The following NXPH1 variants were observed in gnomAD, a reference collection of about 807,000 sequenced individuals.
NXPH1 encodes neurexophilin-1.
A neutral mutation model predicts 23.7 loss-of-function variants in NXPH1; 5 were observed. The observed-to-expected ratio is 0.21, with a 90% CI of 0.11 to 0.44. The LOEUF is 0.44. NXPH1 is among the 20% of genes least tolerant of loss of function. NXPH1 has a pLI of 0.99. For synonymous variants in NXPH1, 144 were observed against 122.2 expected, an observed-to-expected ratio of 1.18 and a Z score of -1.18; for missense variants, 324 against 321.6, an observed-to-expected ratio of 1.01 and a Z score of -0.06.
intron 2 of NXPH1, among the ~76,000 whole-genome samples, chr7:8,739,069 G>T: frequency 6.6e-6 from 1 of 151,556 alleles, no homozygotes; most frequent in East Asian, 1.9e-4. Context: ...GGCTCCTTGG[G>T]GGTGGGATCC....
At chr7:8,507,876 G>A (rs1186621711) in intron 2 of NXPH1, among the ~76,000 whole-genome samples, 2 of 152,222 alleles carry the variant, frequency 1.3e-5, no homozygotes, top group East Asian at 3.9e-4. Context: ...TTTAAAGGCT[G>A]AATGAGAAAG....
At chr7:8,484,822 C>T (rs1584187082) in intron 2 of NXPH1, among the ~76,000 whole-genome samples, 1 of 152,232 alleles carries the variant, frequency 6.6e-6, no homozygotes, top group Admixed American at 6.5e-5. Flanking sequence ...CAAATTCCAG[C>T]AATGACATTT....
intron 2 of NXPH1, among the ~76,000 whole-genome samples, chr7:8,733,866 A>T (rs950673486): frequency 6.6e-6 from 1 of 152,158 alleles, no homozygotes; most frequent in Non-Finnish European, 1.5e-5. Context: ...TGCTGTGCAG[A>T]AACTCTTTAG....
intron 2 of NXPH1, among the ~76,000 whole-genome samples, chr7:8,594,483 G>T (rs1819171605): frequency 6.6e-6 from 1 of 152,028 alleles, no homozygotes; most frequent in Non-Finnish European, 1.5e-5. Flanking sequence ...TACATCAGCA[G>T]CATAGATGCA....
intron 2 of NXPH1, among the ~76,000 whole-genome samples, chr7:8,481,149 T>C (rs1817066393): frequency 6.6e-6 from 1 of 152,184 alleles, no homozygotes; most frequent in African/African-American, 2.4e-5. Flanking sequence ...TCAGTCAATA[T>C]CTTAAAATAT....
At chr7:8,673,215 A>T (rs1037958931) in intron 2 of NXPH1, among the ~76,000 whole-genome samples, 4 of 152,196 alleles carry the variant, frequency 2.6e-5, no homozygotes, top group Non-Finnish European at 5.9e-5. Flanking sequence ...CTTTAGAAAA[A>T]AAGTATAAAT....
Position 8,751,631 on chromosome 7 carries a change from T to G in NXPH1, c.678T>G (p.His226Gln), listed in dbSNP as rs1175500480. 2 of 1,613,570 alleles carry G rather than the reference T, an allele frequency of 1.2e-6. No individual in the cohort carries two copies. The highest frequency in any genetic ancestry group is 1.7e-6 in the Non-Finnish European group (2 of 1,179,742). ...GTTACCAGGAGCAAACCCAAAGTCA[T>G]GTATCCTGGCTCTGCTCCAAGCCCT... ...KTCYQEQTQS[H>Q]VSWLCSKPFK... The change falls in exon 3 of 3, where the codon CAT (histidine) becomes CAG (glutamine). Residue 226 changes from histidine (H) to glutamine (Q), a missense_variant. Physicochemically the swap from His to Gln is conservative, Grantham distance 24. Coordinates refer to ENST00000405863, the MANE Select transcript of NXPH1 (RefSeq NM_152745.3). This position sits in a 1 kb window ranked among gnomAD's most constrained non-coding sequence, Gnocchi z 4.5.
chr7:8,724,288 T>C (rs920802079), intron 2 of NXPH1, among the ~76,000 whole-genome samples: 12 of 152,212 alleles, frequency 7.9e-5, no homozygotes, highest in Admixed American at 3.9e-4. Flanking sequence ...TCATATGTCC[T>C]AGCTGTGCCC....
chr7:8,485,877 G>A (rs1432055407), intron 2 of NXPH1, among the ~76,000 whole-genome samples: 1 of 152,088 alleles, frequency 6.6e-6, no homozygotes, highest in South Asian at 2.1e-4. Flanking sequence ...TTAAATCAAT[G>A]TCATAAAAAT....
chr7:8,501,843 A>G (rs1186080824), intron 2 of NXPH1, among the ~76,000 whole-genome samples: 1 of 152,104 alleles, frequency 6.6e-6, no homozygotes, highest in African/African-American at 2.4e-5. Flanking sequence ...CTTACCCAAG[A>G]GTCGTGGGTA....
intron 2 of NXPH1, among the ~76,000 whole-genome samples, chr7:8,486,817 C>T (rs1014379432): frequency 6.6e-6 from 1 of 152,112 alleles, no homozygotes; most frequent in African/African-American, 2.4e-5. Flanking sequence ...TATTTTTGAT[C>T]TGGTTAATTC....
intron 2 of NXPH1, among the ~76,000 whole-genome samples, chr7:8,480,164 G>C (rs114118858): frequency 0.02 from 3,093 of 152,164 alleles, 116 homozygotes; most frequent in African/African-American, 0.07. Flanking sequence ...TTTTGATATA[G>C]GTGGTGGTTG....
chr7:8,488,418 ACT>A (rs1291127929), intron 2 of NXPH1, among the ~76,000 whole-genome samples: 1 of 152,034 alleles, frequency 6.6e-6, no homozygotes, highest in Non-Finnish European at 1.5e-5. Flanking sequence ...CCATTTAATA[ACT>A]CTAGAGATTA....
intron 2 of NXPH1, among the ~76,000 whole-genome samples, chr7:8,471,464 A>C (rs117931345): frequency 2.0e-5 from 3 of 152,124 alleles, no homozygotes; most frequent in South Asian, 4.1e-4. Context: ...CACAGTCTCA[A>C]TTCTGCTACT....
At chr7:8,685,298 C>G (rs532531451) in intron 2 of NXPH1, among the ~76,000 whole-genome samples, 1 of 150,320 alleles carries the variant, frequency 6.7e-6, no homozygotes, top group Non-Finnish European at 1.5e-5. Flanking sequence ...GCATTCCTGG[C>G]TTATTAAAAT....
chr7:8,522,859 G>T (rs1817795646), intron 2 of NXPH1, among the ~76,000 whole-genome samples: 1 of 152,176 alleles, frequency 6.6e-6, no homozygotes, highest in South Asian at 2.1e-4. Flanking sequence ...TGCAGGCTCT[G>T]TAGAGTCTAC....
chr7:8,678,677 A>G (rs1311178542), intron 2 of NXPH1, among the ~76,000 whole-genome samples: 5 of 151,986 alleles, frequency 3.3e-5, no homozygotes, highest in African/African-American at 1.2e-4. Context: ...GCCTCCTGTT[A>G]AGGAATGGGT....
At chr7:8,630,221 G>A (rs1190309893) in intron 2 of NXPH1, among the ~76,000 whole-genome samples, 1 of 151,966 alleles carries the variant, frequency 6.6e-6, no homozygotes, top group African/African-American at 2.4e-5. Context: ...CACCTGGAAA[G>A]TTTTTCCTAC....
chr7:8,668,273 TTGTTG>T (rs1195218436), intron 2 of NXPH1, among the ~76,000 whole-genome samples: 15 of 147,490 alleles, frequency 1.0e-4, no homozygotes, highest in Non-Finnish European at 1.8e-4. Flanking sequence ...TTTTTTTATT[TTGTTG>T]TTGTTGTTGT....
Sources: allele counts gnomAD v4.1 joint callset (sites outside exome capture counted in the v4.1 genomes callset), GRCh38; gene constraint gnomAD v4.1.1; non-coding constraint Gnocchi (gnomAD v3.1); transcripts MANE v1.5; gene names NCBI Gene and HGNC (gene_info 2026-07-23, HGNC 2026-07-21).